ATG7: variants seen among roughly 807,000 people sequenced by gnomAD.
ATG7 encodes the protein ubiquitin-like modifier-activating enzyme ATG7.
ATG7 carries 70 observed loss-of-function variants against 82.4 expected under a neutral mutation model. That is an observed-to-expected ratio of 0.85 (90% CI 0.70 to 1.04). The LOEUF is 1.04. Among genes scored for constraint, ATG7 ranks in the 50% least tolerant of loss-of-function variants. ATG7 has a pLI of 0.00. For missense variants in ATG7, 792 were observed against 864.3 expected (o/e 0.92, Z 1.05); for synonymous variants, 287 against 313.0 (o/e 0.92, Z 0.88).
chr3:11,384,761 G>C (rs1244550566), intron 19 of ATG7, among the ~76,000 whole-genome samples: 5 of 151,962 alleles, frequency 3.3e-5, no homozygotes, highest in African/African-American at 1.2e-4. Flanking sequence ...AAGAGTTTGA[G>C]ACCAGCCTGG....
chr3:11,551,753 C>CT (rs111362668), intron 20 of ATG7, among the ~76,000 whole-genome samples: 115 of 146,940 alleles, frequency 7.8e-4, no homozygotes, highest in Non-Finnish European at 1.3e-3. Flanking sequence ...CTTTTCTTTT[C>CT]TTTTTTTTTT....
At chr3:11,327,716 T>C (rs1951076549) in intron 9 of ATG7, among the ~76,000 whole-genome samples, 2 of 152,202 alleles carry the variant, frequency 1.3e-5, no homozygotes, top group Admixed American at 1.3e-4. Context: ...AGCAGTATTT[T>C]TGATAGCTCC....
At chr3:11,576,250 G>A in the ATG7 span, among the ~76,000 whole-genome samples, 6 of 152,192 alleles carry the variant, frequency 3.9e-5, no homozygotes, top group Non-Finnish European at 7.3e-5. Context: ...CCATGTGCAT[G>A]CTAAGCACTG....
Position 11,451,888 on chromosome 3 carries a change from CACACACACACACAG to C in ATG7, c.2079+24976_2079+24989del, listed in dbSNP as rs1262908584. ...CTTTACATACACACACACACACAGA[CACACACACACACAG>C]ACACACACACACACACATATACATA... On this transcript the variant is annotated intron_variant, in intron 20 of 20. Transcript: ENST00000693202. Among the ~76,000 whole-genome samples the C allele has an allele frequency of 1.1e-4, 17 of 149,660 alleles. No homozygotes were observed. The South Asian group carries it at 3.4e-3, about 30-fold the overall frequency.
chr3:11,408,614 A>G (rs539168875), intron 19 of ATG7, among the ~76,000 whole-genome samples: 1 of 152,216 alleles, frequency 6.6e-6, no homozygotes, highest in Non-Finnish European at 1.5e-5. Flanking sequence ...GAGGCCTTAC[A>G]ATCCTGGTGG....
At chr3:11,527,067 G>A (rs1458552454) in intron 20 of ATG7, among the ~76,000 whole-genome samples, 227 of 95,274 alleles carry the variant, frequency 2.4e-3, no homozygotes, top group African/African-American at 2.8e-3. Flanking sequence ...GTGTGTGTGT[G>A]TGTGTATATA....
intron 20 of ATG7, among the ~76,000 whole-genome samples, chr3:11,523,687 A>T (rs1384739847): frequency 6.6e-6 from 1 of 152,254 alleles, no homozygotes. Context: ...AGCAAGCAAC[A>T]AAGGTTTTAA....
intron 20 of ATG7, among the ~76,000 whole-genome samples, chr3:11,443,307 C>T (rs1230085213): frequency 6.6e-6 from 1 of 152,192 alleles, no homozygotes; most frequent in African/African-American, 2.4e-5. Context: ...AGTTCTGGCT[C>T]ACTCCTTACT....
chr3:11,427,067 C>T (rs1388660341), intron 20 of ATG7, 141 bp downstream of exon 20: 1 of 1,117,288 alleles, frequency 9.0e-7, no homozygotes, highest in Non-Finnish European at 1.2e-6. Context: ...CTGCTAGTTA[C>T]CAGAGAACGA....
chr3:11,350,141 A>T (rs1297852811), intron 14 of ATG7, among the ~76,000 whole-genome samples: 1 of 152,216 alleles, frequency 6.6e-6, no homozygotes, highest in African/African-American at 2.4e-5. Flanking sequence ...CATCCATTTT[A>T]AAAATCTTTG....
rs935134688 is a variant in ATG7 at position 11,556,936 on chromosome 3, A to C, written c.*2093A>C. ...GGCCTGCAGCCACTCTGTGACTACA[A>C]GAGCCAGTCCTCCGACCTTTTCACC... On this transcript the variant is annotated 3_prime_UTR_variant, in exon 21 of 21. Transcript: ENST00000693202. 3.3e-5 allele frequency: 5 copies of C among 152,782 alleles called. No individual in the cohort carries two copies. The highest frequency in any genetic ancestry group is 1.2e-4 in the African/African-American group (5 of 41,462). The allele number at this position is 152,782 out of a possible 1,614,324, so 9.5% of individuals were successfully genotyped here.
intron 20 of ATG7, among the ~76,000 whole-genome samples, chr3:11,437,272 C>T (rs547028538): frequency 2.0e-5 from 3 of 152,196 alleles, no homozygotes; most frequent in East Asian, 3.9e-4. Context: ...TTTATTGTGC[C>T]TCAGTTTTCA....
intron 9 of ATG7, among the ~76,000 whole-genome samples, chr3:11,324,126 T>A (rs546069463): frequency 6.6e-6 from 1 of 152,370 alleles, no homozygotes; most frequent in East Asian, 1.9e-4. Flanking sequence ...AAGTTTTTCT[T>A]CAGTTACGTT....
chr3:11,419,888 G>A (rs2081775998), intron 19 of ATG7, among the ~76,000 whole-genome samples: 1 of 152,074 alleles, frequency 6.6e-6, no homozygotes, highest in Admixed American at 6.6e-5. Context: ...ATTATGAAAG[G>A]ATCTTTCTAC....
intron 20 of ATG7, among the ~76,000 whole-genome samples, chr3:11,463,817 A>G (rs1182297536): frequency 1.3e-5 from 2 of 152,152 alleles, no homozygotes; most frequent in Non-Finnish European, 2.9e-5. Flanking sequence ...TCACACCCCA[A>G]ACTCTCATAT....
Position 11,362,846 on chromosome 3 carries a change from A to G in ATG7, c.1717A>G (p.Thr573Ala). The change falls in exon 17 of 21, where the codon ACT becomes GCT. Residue 573 changes from threonine to alanine, a missense_variant. Transcript: ENST00000693202. Reference sequence around the variant, plus strand: ...AGACCGGACCTTGGACCAGCAGTGCACTGTGAGTCGTCCAGGACTGGCCGT... The same window carrying G: ...AGACCGGACCTTGGACCAGCAGTGCGCTGTGAGTCGTCCAGGACTGGCCGT... ...TRDRTLDQQC[T>A]VSRPGLAVIA... The G allele has an allele frequency of 2.5e-6, 4 of 1,614,096 alleles. No homozygotes were observed. The highest frequency in any genetic ancestry group is 3.4e-6 in the Non-Finnish European group (4 of 1,179,956).
intron 18 of ATG7, among the ~76,000 whole-genome samples, chr3:11,372,927 G>T (rs1376652084): frequency 6.6e-6 from 1 of 151,156 alleles, no homozygotes; most frequent in Non-Finnish European, 1.5e-5. Flanking sequence ...TTCAGGTGAG[G>T]CTGTTTAAAA....
At chr3:11,295,940 A>C (rs1457288093) in intron 3 of ATG7, among the ~76,000 whole-genome samples, 1 of 151,926 alleles carries the variant, frequency 6.6e-6, no homozygotes, top group African/African-American at 2.4e-5. Context: ...CACCACACCC[A>C]GCTAATTTTG....
intron 18 of ATG7, among the ~76,000 whole-genome samples, chr3:11,373,290 A>G (rs535907224): frequency 6.6e-5 from 10 of 152,346 alleles, no homozygotes; most frequent in Admixed American, 5.9e-4. Context: ...TTTAACATGA[A>G]CTAAATTAGG....
Sources: allele counts gnomAD v4.1 joint callset (sites outside exome capture counted in the v4.1 genomes callset), GRCh38; gene constraint gnomAD v4.1.1; transcripts MANE v1.5; gene names NCBI Gene and HGNC (gene_info 2026-07-23, HGNC 2026-07-21).